Variants in GALNTL5 observed in about 807,000 individuals in gnomAD.
GALNTL5 encodes polypeptide N-acetylgalactosaminyltransferase like 5, also known as inactive polypeptide N-acetylgalactosaminyltransferase-like protein 5.
In GALNTL5, 44 loss-of-function variants were observed where a neutral mutation model predicts 51.0. The ratio of observed to expected loss-of-function variants is 0.86; its 90% CI spans 0.68 to 1.11. The LOEUF is 1.11. Ranked by LOEUF, GALNTL5 falls within the 50% of genes least tolerant of loss-of-function variation. The pLI is 0.00. For missense variants in GALNTL5, 528 were observed against 531.8 expected, an observed-to-expected ratio of 0.99 and a Z score of 0.07; for synonymous variants, 192 against 182.8, an observed-to-expected ratio of 1.05 and a Z score of -0.41.
intron 8 of GALNTL5, among the ~76,000 whole-genome samples, chr7:152,015,833 T>C (rs1464906996): frequency 6.6e-6 from 1 of 152,136 alleles, no homozygotes; most frequent in East Asian, 1.9e-4. Flanking sequence ...GTTAAGTACC[T>C]TGCCAGGACT....
intron 2 of GALNTL5, 147 bp downstream of exon 2, chr7:151,967,640 A>G (rs2151939174): frequency 1.9e-6 from 1 of 514,492 alleles, no homozygotes; most frequent in East Asian, 3.3e-5. Context: ...ATATCTATAC[A>G]TAGAAAATAA....
intron 1 of GALNTL5, among the ~76,000 whole-genome samples, chr7:151,962,432 T>TTTC (rs61005198): frequency 0.61 from 78,002 of 128,616 alleles, 24,455 homozygotes; most frequent in Non-Finnish European, 0.7. Context: ...TGTGATTTTT[T>TTTC]TTTCTTTTTT....
Position 152,019,004 on chromosome 7 carries a change from A to G in GALNTL5, c.1177-642A>G, listed in dbSNP as rs2081854662. Among the ~76,000 whole-genome samples the G allele has an allele frequency of 2.0e-5, 3 of 152,220 alleles. No homozygotes were observed. In the South Asian group the frequency reaches 6.2e-4, roughly 31 times the overall value. On this transcript the variant is annotated intron_variant, in intron 8 of 8. Coordinates refer to ENST00000392800, the MANE Select transcript of GALNTL5 (RefSeq NM_145292.4). ...ACATGGGGCCAACAGAGTCCATTAG[A>G]CATTCATTCTTGGGGCTTCCTTAAG...
In GALNTL5 at chr7:151,995,847, GT is replaced by G. The variant is rs1471938742; in HGVS notation, c.659-6863del. On this transcript the variant is annotated intron_variant, in intron 5 of 8. Coordinates refer to ENST00000392800, the MANE Select transcript of GALNTL5 (RefSeq NM_145292.4). ...ATTAATGGTGGAAAGGCTCTCAGAG[GT>G]TTTAGAACTCATCAGCCTTTTATCC... 6.6e-5 allele frequency among the ~76,000 whole-genome samples: 10 copies of G among 152,224 alleles called. No individual in the cohort carries two copies. In the South Asian group the frequency reaches 1.7e-3, roughly 25 times the overall value.
At chr7:152,006,397 T>C (rs2081642685) in intron 6 of GALNTL5, among the ~76,000 whole-genome samples, 2 of 152,168 alleles carry the variant, frequency 1.3e-5, no homozygotes, top group Admixed American at 1.3e-4. Context: ...GGGGTCAAAA[T>C]AAGGCGGTTT....
intron 1 of GALNTL5, among the ~76,000 whole-genome samples, chr7:151,959,232 C>CTT (rs36008422): frequency 6.7e-6 from 1 of 148,942 alleles, no homozygotes; most frequent in African/African-American, 2.5e-5. Context: ...CTCCCCTTAC[C>CTT]TTTTTTTTTT....
At chr7:151,975,861 C>T (rs549417374) in intron 3 of GALNTL5, among the ~76,000 whole-genome samples, 1 of 152,028 alleles carries the variant, frequency 6.6e-6, no homozygotes, top group East Asian at 1.9e-4. Flanking sequence ...TGTTTAATTT[C>T]CATATATTTG....
chr7:151,982,131 G>T (rs2081299477), intron 3 of GALNTL5, among the ~76,000 whole-genome samples: 1 of 151,898 alleles, frequency 6.6e-6, no homozygotes, highest in African/African-American at 2.4e-5. Context: ...AGTATTCTGG[G>T]GCCAGGGACA....
In GALNTL5 at chr7:151,981,442, A is replaced by C. The variant is rs1293688976; in HGVS notation, c.369-1544A>C. Among the ~76,000 whole-genome samples the C allele has an allele frequency of 2.0e-5, 3 of 152,238 alleles. No homozygotes were observed. In the South Asian group the frequency reaches 6.2e-4, roughly 32 times the overall value. ...AAAAGCAGAGATAGAGAGTGTCCAG[A>C]CATCATTCAAGCCTCTAGTTCTAAT... is the stretch of plus-strand genomic sequence containing the variant. On this transcript the variant is annotated intron_variant, in intron 3 of 8. Coordinates refer to ENST00000392800, the MANE Select transcript of GALNTL5 (RefSeq NM_145292.4).
At chr7:152,019,191 C>T (rs937927895) in intron 8 of GALNTL5, among the ~76,000 whole-genome samples, 1 of 152,238 alleles carries the variant, frequency 6.6e-6, no homozygotes, top group Non-Finnish European at 1.5e-5. Context: ...TAGGGTCACA[C>T]AGACCCTGAA....
At chr7:151,983,215 T>C in intron 4 of GALNTL5, 63 bp downstream of exon 4, 1 of 1,430,766 alleles carries the variant, frequency 7.0e-7, no homozygotes, top group South Asian at 1.2e-5. Flanking sequence ...TTTCCCTCTG[T>C]CACCCAGGCT....
Position 151,962,629 on chromosome 7 carries a change from G to T in GALNTL5, c.-39-4579G>T, listed in dbSNP as rs1232044352. Among the ~76,000 whole-genome samples the T allele has an allele frequency of 2.8e-5, 4 of 140,552 alleles. No individual in the cohort carries two copies. The East Asian group carries it at 8.3e-4, about 29-fold the overall frequency. The allele number at this position is 140,552 out of a possible 152,430, so 92.2% of individuals were successfully genotyped here. A position where few individuals can be genotyped will look rare whatever the true frequency, so the allele number is the denominator to read the frequency against. On this transcript the variant is annotated intron_variant, in intron 1 of 8. Transcript: ENST00000392800. Reference sequence around the variant, plus strand: ...GTTTTGTTTGTTTGTTTGTTTAATAGACAGAGTCTTGCTCTGTCTCCCAGA... The same window carrying T: ...GTTTTGTTTGTTTGTTTGTTTAATATACAGAGTCTTGCTCTGTCTCCCAGA...
intron 1 of GALNTL5, among the ~76,000 whole-genome samples, chr7:151,964,911 C>T (rs1027761156): frequency 7.9e-5 from 12 of 152,132 alleles, no homozygotes; most frequent in African/African-American, 2.7e-4. Context: ...ACCTGGCTGC[C>T]GGGATCCTGT....
In GALNTL5 at chr7:152,015,239, A is replaced by G. The variant is rs143010171; in HGVS notation, c.1176+446A>G. Among the ~76,000 whole-genome samples the G allele has an allele frequency of 2.6e-5, 4 of 152,284 alleles. No individual in the cohort carries two copies. The East Asian group carries it at 7.7e-4, about 29-fold the overall frequency. ...AACTCAAGTCTCTCAGAAGTAAATC[A>G]ATCAACATGAGCAGTCTTTTTTATG... On this transcript the variant is annotated intron_variant, in intron 8 of 8. Coordinates refer to ENST00000392800, the MANE Select transcript of GALNTL5 (RefSeq NM_145292.4).
rs550558402 is a variant in GALNTL5, at chr7:152,013,494, G to A, written c.1027-1150G>A. ...GTTATTTCTCATAATCCATTGTATC[G>A]CTAAAGTGGTTCTTCTAGGCTTAGC... On this transcript the variant is annotated intron_variant, in intron 7 of 8. Coordinates refer to ENST00000392800, the MANE Select transcript of GALNTL5 (RefSeq NM_145292.4). 1.6e-4 allele frequency among the ~76,000 whole-genome samples: 24 copies of A among 152,064 alleles called. No individual in the cohort carries two copies. The South Asian group carries it at 2.3e-3, about 14-fold the overall frequency.
chr7:152,000,520 A>AC (rs2081561150), intron 5 of GALNTL5, among the ~76,000 whole-genome samples: 1 of 151,900 alleles, frequency 6.6e-6, no homozygotes, highest in South Asian at 2.1e-4. Context: ...CTCCCCTCCC[A>AC]CCCATCATTC....
chr7:151,998,994 A>G (rs1045817260), intron 5 of GALNTL5, among the ~76,000 whole-genome samples: 3 of 152,196 alleles, frequency 2.0e-5, no homozygotes, highest in African/African-American at 7.2e-5. Flanking sequence ...CATGACCTCT[A>G]ACTCCAAAAC....
At position 151,967,485 on chromosome 7, in the gene GALNTL5, C is replaced by A; in HGVS notation, c.239C>A (p.Ser80Tyr). ...VKRTDEDKAK[S>Y]MLGTDFNHTN... ...AGGACTGATGAAGATAAAGCAAAGT[C>A]TATGTTAGGTAAGTATTTGGATTTT... Residue 80 changes from serine to tyrosine, a missense_variant, in exon 2 of 9, where the codon TCT (serine) becomes TAT (tyrosine). Physicochemically the swap from Ser to Tyr is moderately radical, Grantham distance 144. Coordinates refer to ENST00000392800, the MANE Select transcript of GALNTL5 (RefSeq NM_145292.4). 6.2e-7 allele frequency: 1 copy of A among 1,612,126 alleles called. No individual in the cohort carries two copies. The highest frequency in any genetic ancestry group is 1.1e-5 in the South Asian group (1 of 90,840).
intron 7 of GALNTL5, among the ~76,000 whole-genome samples, chr7:152,011,715 C>A (rs1196326629): frequency 6.6e-6 from 1 of 152,202 alleles, no homozygotes; most frequent in Non-Finnish European, 1.5e-5. Flanking sequence ...AACACCTGCA[C>A]AAGGGAGAAT....
Sources: gnomAD v4.1 joint callset for allele counts (sites outside exome capture counted in the v4.1 genomes callset) on GRCh38, gnomAD v4.1.1 for gene constraint, MANE v1.5 for transcripts, NCBI Gene and HGNC (gene_info 2026-07-23, HGNC 2026-07-21) for gene names.